DYNC1H1: variants seen among roughly 807,000 people sequenced by gnomAD.
The protein encoded by DYNC1H1 is cytoplasmic dynein 1 heavy chain 1.
Under a neutral mutation model 527.1 loss-of-function variants are expected in DYNC1H1, and 51 were observed. The observed-to-expected ratio is 0.10, with a 90% CI of 0.08 to 0.12. The LOEUF is 0.12. Ranked by LOEUF, DYNC1H1 falls within the 10% of genes least tolerant of loss-of-function variation. DYNC1H1 has a pLI of 1.00. For synonymous variants in DYNC1H1, 2,189 were observed against 2,278.8 expected (o/e 0.96, Z 1.12); for missense variants, 2,771 against 5,971.8 (o/e 0.46, Z 17.66).
In DYNC1H1 at chr14:102,056,020, C is replaced by G. The variant is rs1453743228; in HGVS notation, c.*5457C>G. ...ATGACACAGCCTCAGGAGGTCCTGA[C>G]TGGGGGGAGAGAGACCCTCTCATAT... On this transcript the variant is annotated 3_prime_UTR_variant, in exon 78 of 78. Transcript: ENST00000360184. The G allele has an allele frequency of 6.6e-6, 1 of 152,232 alleles. No individual in the cohort carries two copies. The highest frequency in any genetic ancestry group is 2.4e-5 in the African/African-American group (1 of 41,456). The allele number at this position is 152,232 out of a possible 1,614,324, so 9.4% of individuals were successfully genotyped here.
intron 43 of DYNC1H1, 130 bp from the exon 44 acceptor site, chr14:102,026,444 A>G (rs1006954189): frequency 6.4e-5 from 63 of 984,614 alleles, no homozygotes; most frequent in Admixed American, 1.1e-4. Flanking sequence ...TTTTTTTGCT[A>G]TGTTATAAAT....
At chr14:101,984,280 G>A (rs1183942693) in intron 7 of DYNC1H1, among the ~76,000 whole-genome samples, 10 of 151,644 alleles carry the variant, frequency 6.6e-5, no homozygotes, top group Admixed American at 4.6e-4. Context: ...ATGAGCCACC[G>A]CGCCCTGCCC....
chr14:102,020,114 C>T lies in DYNC1H1; in HGVS notation c.8507+58C>T. ...TCTCCCCTGCTCTGAGTTCTTACAG[C>T]TGTCGAAGCTGGGGTCTTTGCAGGG... On this transcript the variant is annotated intron_variant, in intron 42 of 77. Transcript: ENST00000360184. This position sits in a 1 kb window ranked among gnomAD's most constrained non-coding sequence, Gnocchi z 4.3. 1 of 1,595,976 alleles carries T rather than the reference C, an allele frequency of 6.3e-7. No individual in the cohort carries two copies. Among genetic ancestry groups the T allele is most frequent in the Non-Finnish European group, 8.5e-7 (1 of 1,170,662 alleles).
Position 102,036,051 on chromosome 14 carries a change from G to C in DYNC1H1, c.10755-438G>C, listed in dbSNP as rs2048571469. 1 of 230,302 alleles carries C rather than the reference G, an allele frequency of 4.3e-6. No homozygotes were observed. Among genetic ancestry groups the C allele is most frequent in the South Asian group, 6.0e-5 (1 of 16,538 alleles). 14.3% of individuals were successfully genotyped at this position (230,302 alleles called of 1,614,324 possible). ...GTCAGCCTCATAGGGCTGTTATGAG[G>C]ATTACGTGACGTAGTGTCTGTAATT... is the stretch of plus-strand genomic sequence containing the variant. On this transcript the variant is annotated intron_variant, in intron 56 of 77. Transcript: ENST00000360184. The surrounding 1 kb of genome is among the most constrained non-coding windows in gnomAD (Gnocchi z 5.6).
chr14:102,022,640 AG>A lies in DYNC1H1; in HGVS notation c.8508-110del. ...CATAGTAAAGGAAGATGTGTGATAA[AG>A]ACTGACTGCATCCTTTGGAAGAGCC... On this transcript the variant is annotated intron_variant, in intron 42 of 77. Coordinates refer to ENST00000360184, the MANE Select transcript of DYNC1H1 (RefSeq NM_001376.5). 4.0e-6 allele frequency: 6 copies of A among 1,489,966 alleles called. No individual in the cohort carries two copies. In the South Asian group the frequency reaches 6.9e-5, roughly 17 times the overall value. The allele number at this position is 1,489,966 out of a possible 1,614,324, so 92.3% of individuals were successfully genotyped here. A position where few individuals can be genotyped will look rare whatever the true frequency, so the allele number is the denominator to read the frequency against.
intron 1 of DYNC1H1, among the ~76,000 whole-genome samples, chr14:101,975,483 C>T (rs1339328204): frequency 1.3e-5 from 2 of 152,188 alleles, no homozygotes; most frequent in African/African-American, 2.4e-5. Flanking sequence ...TGCAGAAGCC[C>T]TGGCATGCTC....
In DYNC1H1 at chr14:101,997,312, C is replaced by G. The variant is rs1291461530; in HGVS notation, c.3804+38C>G. The G allele has an allele frequency of 1.2e-6, 2 of 1,613,686 alleles. No individual in the cohort carries two copies. The highest frequency in any genetic ancestry group is 2.2e-5 in the East Asian group (1 of 44,884). The stretch of plus-strand genomic sequence containing the variant: ...AGGTGGGGACGCAGGAGACTCCTCA[C>G]CCAGCAGTGTGATTTGGTGACTTTC... On this transcript the variant is annotated intron_variant, in intron 16 of 77. Coordinates refer to ENST00000360184, the MANE Select transcript of DYNC1H1 (RefSeq NM_001376.5). This position sits in a 1 kb window ranked among gnomAD's most constrained non-coding sequence, Gnocchi z 4.8.
In DYNC1H1 at chr14:102,038,129, C is replaced by CTGT; in HGVS notation, c.10909-331_10909-330insTGT. 2.6e-6 allele frequency: 1 copy of CTGT among 378,050 alleles called. No homozygotes were observed. The allele number at this position is 378,050 out of a possible 1,614,324, so 23.4% of individuals were successfully genotyped here. On this transcript the variant is annotated intron_variant, in intron 57 of 77. Coordinates refer to ENST00000360184, the MANE Select transcript of DYNC1H1 (RefSeq NM_001376.5). The surrounding 1 kb of genome is among the most constrained non-coding windows in gnomAD (Gnocchi z 7.2). ...GGTAGCTGGGACTACAGGCATGTGC[C>CTGT]ATACACCCCCAGCTAACTTTCGTAT...
chr14:101,998,601 A>G (rs997787595), intron 16 of DYNC1H1, among the ~76,000 whole-genome samples: 3 of 152,176 alleles, frequency 2.0e-5, no homozygotes, highest in African/African-American at 7.2e-5. Flanking sequence ...CCTAATGACA[A>G]TGACAGATTT....
intron 34 of DYNC1H1, among the ~76,000 whole-genome samples, chr14:102,013,427 G>T (rs568765191): frequency 6.6e-6 from 1 of 152,106 alleles, no homozygotes; most frequent in Non-Finnish European, 1.5e-5. Context: ...CGTAGTTTGA[G>T]CAGACACTTA....
rs998588033 is a variant in DYNC1H1, at chr14:102,010,606, G to A, written c.6406-134G>A. On this transcript the variant is annotated intron_variant, in intron 31 of 77. Coordinates refer to ENST00000360184, the MANE Select transcript of DYNC1H1 (RefSeq NM_001376.5). This position sits in a 1 kb window ranked among gnomAD's most constrained non-coding sequence, Gnocchi z 6.0. ...GACTGTAATGTTGACCCAGTGAGTCGAGTGCACGAATGTGGGCGAGTGGTG... is the reference window on the plus strand; with the variant it reads ...GACTGTAATGTTGACCCAGTGAGTCAAGTGCACGAATGTGGGCGAGTGGTG... The A allele has an allele frequency of 1.2e-5, 18 of 1,492,020 alleles. No individual in the cohort carries two copies. Among genetic ancestry groups the A allele is most frequent in the Middle Eastern group, 2.4e-4 (1 of 4,210 alleles). The allele number at this position is 1,492,020 out of a possible 1,614,324, so 92.4% of individuals were successfully genotyped here. A position where few individuals can be genotyped will look rare whatever the true frequency, so the allele number is the denominator to read the frequency against.
chr14:101,972,819 G>A (rs576293124), intron 1 of DYNC1H1, among the ~76,000 whole-genome samples: 1 of 152,166 alleles, frequency 6.6e-6, no homozygotes, highest in South Asian at 2.1e-4. Context: ...TATTGTTTCG[G>A]TGTTATTTTG....
Position 102,018,608 on chromosome 14 carries a change from A to G in DYNC1H1, c.8335A>G (p.Met2779Val). Residue 2779 changes from methionine (M) to valine (V), a missense_variant, in exon 41 of 78, where the codon ATG becomes GTG. Met to Val is a conservative substitution (Grantham distance 21). This residue lies in a region of DYNC1H1 where 163 missense variants were observed against 346.9 expected (regional missense o/e 0.47). Transcript: ENST00000360184. This position sits in a 1 kb window ranked among gnomAD's most constrained non-coding sequence, Gnocchi z 5.2. The stretch of plus-strand genomic sequence containing the variant: ...TGCTGCCATGGTGGAGTTCTACACC[A>G]TGTCTCAGGTACGCAGAGTTTCTTT... ...LTAAMVEFYT[M>V]SQERFTQDTQ... 6.2e-7 allele frequency: 1 copy of G among 1,613,834 alleles called. No homozygotes were observed. The highest frequency in any genetic ancestry group is 8.5e-7 in the Non-Finnish European group (1 of 1,180,010).
rs1183628735 is a variant in DYNC1H1, at chr14:102,017,121, C to A, written c.7882C>A (p.Pro2628Thr). ...VGLNFSSATT[P>T]ELLLKTFDHY... ...TCTCAACTTCTCCAGTGCTACTACT[C>A]CAGAGCTGCTTCTGAAGACTTTTGA... Residue 2628 changes from proline to threonine, a missense_variant, in exon 39 of 78, where the codon CCA becomes ACA. Coordinates refer to ENST00000360184, the MANE Select transcript of DYNC1H1 (RefSeq NM_001376.5). The surrounding 1 kb of genome is among the most constrained non-coding windows in gnomAD (Gnocchi z 4.6). 3.7e-6 allele frequency: 6 copies of A among 1,614,126 alleles called. No individual in the cohort carries two copies. The African/African-American group carries it at 4.0e-5, about 11-fold the overall frequency.
chr14:102,027,078 A>G lies in DYNC1H1; in HGVS notation c.8772-96A>G. Reference sequence around the variant, plus strand: ...AATGTTTAATATACAAGTTCAAGTTAAAACATGTCCAAAATACTGTAGACA... The same window carrying G: ...AATGTTTAATATACAAGTTCAAGTTGAAACATGTCCAAAATACTGTAGACA... On this transcript the variant is annotated intron_variant, in intron 44 of 77. Coordinates refer to ENST00000360184, the MANE Select transcript of DYNC1H1 (RefSeq NM_001376.5). The surrounding 1 kb of genome is among the most constrained non-coding windows in gnomAD (Gnocchi z 7.7). 7 of 1,376,942 alleles carry G rather than the reference A, an allele frequency of 5.1e-6. No individual in the cohort carries two copies. Among genetic ancestry groups the G allele is most frequent in the Non-Finnish European group, 6.2e-6 (6 of 965,842 alleles). 85.3% of individuals were successfully genotyped at this position (1,376,942 alleles called of 1,614,324 possible).
At chr14:102,006,902 T>TA in intron 27 of DYNC1H1, 106 bp from the exon 28 acceptor site, 4 of 1,264,078 alleles carry the variant, frequency 3.2e-6, no homozygotes, top group Non-Finnish European at 4.5e-6. Flanking sequence ...ACCTGGCCAC[T>TA]ACTTGGATTT....
At chr14:102,014,575 C>A (rs905580692) in intron 34 of DYNC1H1, among the ~76,000 whole-genome samples, 2 of 151,488 alleles carry the variant, frequency 1.3e-5, no homozygotes, top group African/African-American at 4.9e-5. Context: ...CCTGCCTGGT[C>A]AGGTTATGTG....
intron 73 of DYNC1H1, 87 bp downstream of exon 73, chr14:102,048,115 T>C (rs1595636388): frequency 6.7e-6 from 10 of 1,493,054 alleles, no homozygotes; most frequent in East Asian, 4.9e-5. Flanking sequence ...GACCATTGGT[T>C]CCACTGTGCC....
rs940730985 is a variant in DYNC1H1, at chr14:101,965,904, T to C, written c.256+957T>C. Among the ~76,000 whole-genome samples, 1 of 151,710 alleles carries C rather than the reference T, an allele frequency of 6.6e-6. No homozygotes were observed. The highest frequency in any genetic ancestry group is 2.4e-5 in the African/African-American group (1 of 41,240). ...TTCCAGCTGTCTCCTCAAATAATGA[T>C]CGCCCACCAGCAAGGTTACATTCAT... On this transcript the variant is annotated intron_variant, in intron 1 of 77. Transcript: ENST00000360184. The surrounding 1 kb of genome is among the most constrained non-coding windows in gnomAD (Gnocchi z 4.1).
Sources: gnomAD v4.1 joint callset for allele counts (sites outside exome capture counted in the v4.1 genomes callset) on GRCh38, gnomAD v4.1.1 for gene constraint, gnomAD v4.1.1 regional missense constraint, Gnocchi (gnomAD v3.1) non-coding constraint, MANE v1.5 for transcripts, NCBI Gene and HGNC (gene_info 2026-07-23, HGNC 2026-07-21) for gene names.